The following ZNF677 variants were observed in gnomAD, a reference collection of about 807,000 sequenced individuals.
ZNF677 encodes the protein zinc finger protein 677.
Under a neutral mutation model 8.1 loss-of-function variants are expected in ZNF677, and 5 were observed. The ratio of observed to expected loss-of-function variants is 0.62; its 90% CI spans 0.32 to 1.29. ZNF677 has a LOEUF of 1.29. Among genes scored for constraint, ZNF677 ranks in the 50% most tolerant of loss-of-function variants. The probability of loss-of-function intolerance (pLI) is 0.05; values close to 1 mark genes in which losing one functional copy is unlikely to be tolerated. For missense variants in ZNF677, 685 were observed against 685.9 expected, an observed-to-expected ratio of 1.00 and a Z score of 0.01; for synonymous variants, 221 against 225.6, an observed-to-expected ratio of 0.98 and a Z score of 0.18.
At chr19:53,241,511 C>T (rs567305801) in intron 4 of ZNF677, 4 of 262,144 alleles carry the variant, frequency 1.5e-5, no homozygotes, top group South Asian at 1.7e-4. Context: ...TCAACATGTT[C>T]GCAGATATGA....
intron 3 of ZNF677, chr19:53,249,236 G>A (rs1413155934): frequency 6.6e-6 from 1 of 152,148 alleles, no homozygotes; most frequent in Non-Finnish European, 1.5e-5. Flanking sequence ...GGTTAAGATA[G>A]TTGATTTAAA....
At position 53,237,797 on chromosome 19, in the gene ZNF677, C is replaced by G. The variant is rs749683583; in HGVS notation, c.930G>C (p.Gln310His). Residue 310 changes from glutamine (Q) to histidine (H), a missense_variant, in exon 5 of 5, where the codon CAG becomes CAC. Transcript: ENST00000598513. Reference protein sequence around the residue: ...FNQCSNLTRHQRVHTGEKPYQ... With the variant: ...FNQCSNLTRHHRVHTGEKPYQ... The stretch of plus-strand genomic sequence containing the variant: ...ATGGTTTCTCTCCTGTATGGACTCT[C>G]TGATGCCTAGTGAGGTTCGAACACT... 1 of 1,613,448 alleles carries G rather than the reference C, an allele frequency of 6.2e-7. No homozygotes were observed. Among genetic ancestry groups the G allele is most frequent in the South Asian group, 1.1e-5 (1 of 90,974 alleles).
At chr19:53,250,301 T>C (rs894169522) in intron 3 of ZNF677, among the ~76,000 whole-genome samples, 16 of 152,184 alleles carry the variant, frequency 1.1e-4, no homozygotes, top group African/African-American at 2.9e-4. Context: ...GTGTGGTGAT[T>C]CCTCAAAGAT....
chr19:53,238,336 T>C lies in ZNF677; in HGVS notation c.391A>G (p.Arg131Gly), dbSNP rs371988764. 121 of 1,613,034 alleles carry C rather than the reference T, an allele frequency of 7.5e-5. No homozygotes were observed. Among genetic ancestry groups the C allele is most frequent in the Non-Finnish European group, 9.9e-5 (117 of 1,179,584 alleles). Residue 131 changes from arginine (R) to glycine (G), a missense_variant, in exon 5 of 5, where the codon AGA (arginine) becomes GGA (glycine). Transcript: ENST00000598513. ...PLTCNKNLTH[R>G]KDQQHNKSSI... ...GATTTATTATGTTGTTGATCTTTTC[T>C]GTGAGTGAGATTTTTGTTACAGGTC...
Position 53,243,865 on chromosome 19 carries a change from T to C in ZNF677, c.48A>G (p.Glu16=), listed in dbSNP as rs781697340. The C allele has an allele frequency of 6.2e-7, 1 of 1,609,728 alleles. No individual in the cohort carries two copies. Among genetic ancestry groups the C allele is most frequent in the South Asian group, 1.1e-5 (1 of 90,400 alleles). Reference sequence around the variant, plus strand: ...GGCACTCCCACTCCTCTTGAGAGAATTCTATGGCCACATCCTTGAATGTAA... The same window carrying C: ...GGCACTCCCACTCCTCTTGAGAGAACTCTATGGCCACATCCTTGAATGTAA... ...GLFTFKDVAI[E]FSQEEWECLD... The change falls in exon 4 of 5, where the codon GAA becomes GAG. Residue 16 remains glutamate, a synonymous_variant. Transcript: ENST00000598513.
At chr19:53,250,262 G>GTA (rs977646431) in intron 3 of ZNF677, among the ~76,000 whole-genome samples, 4 of 152,210 alleles carry the variant, frequency 2.6e-5, no homozygotes, top group Non-Finnish European at 4.4e-5. Flanking sequence ...TGGTGGAAGT[G>GTA]TAAATTAGTT....
rs527475678 is a variant in ZNF677 at position 53,244,444 on chromosome 19, C to CTTA, written c.16-548_16-547insTAA. ...TTCACAAAGTTATACACCACCACCT[C>CTTA]TGTCTAGTTCAAAAACATTTTTATC... On this transcript the variant is annotated intron_variant, in intron 3 of 4. Transcript: ENST00000598513. Among the ~76,000 whole-genome samples the CTTA allele has an allele frequency of 2.9e-3, 437 of 152,306 alleles. 5 individuals carry two copies. Among genetic ancestry groups the CTTA allele is most frequent in the African/African-American group, 0.01 (423 of 41,574 alleles).
chr19:53,245,469 G>C (rs1178544583), intron 3 of ZNF677, among the ~76,000 whole-genome samples: 2 of 152,148 alleles, frequency 1.3e-5, no homozygotes, highest in African/African-American at 4.8e-5. Context: ...GGGCAAAAGA[G>C]CTGAACAGAC....
chr19:53,244,048 T>C, intron 3 of ZNF677, 151 bp from the exon 4 acceptor site: 1 of 713,520 alleles, frequency 1.4e-6, no homozygotes, highest in Non-Finnish European at 2.3e-6. Context: ...TAAACTGAGA[T>C]GAAATTACAT....
intron 4 of ZNF677, chr19:53,240,119 G>A (rs2091025773): frequency 6.6e-6 from 1 of 152,186 alleles, no homozygotes; most frequent in Admixed American, 6.5e-5. Context: ...TCATGTTGCT[G>A]TCCTGAGTAA....
chr19:53,250,822 A>C (rs188744860), intron 3 of ZNF677, among the ~76,000 whole-genome samples: 1 of 152,338 alleles, frequency 6.6e-6, no homozygotes, highest in Non-Finnish European at 1.5e-5. Context: ...ATTAAGAAAA[A>C]TAATAAATTA....
In ZNF677 at chr19:53,235,418, A is replaced by C. The variant is rs947358320; in HGVS notation, c.*1554T>G. On this transcript the variant is annotated 3_prime_UTR_variant, in exon 5 of 5. Transcript: ENST00000598513. ...AAAAATGATTATATTTTACTAATTA[A>C]GACATAAGAAGTATAATATATTCTA... 1 of 152,218 alleles carries C rather than the reference A, an allele frequency of 6.6e-6. No individual in the cohort carries two copies. The highest frequency in any genetic ancestry group is 2.4e-5 in the African/African-American group (1 of 41,456). The allele number at this position is 152,218 out of a possible 1,614,324, so 9.4% of individuals were successfully genotyped here. A position where few individuals can be genotyped will look rare whatever the true frequency, so the allele number is the denominator to read the frequency against.
intron 3 of ZNF677, among the ~76,000 whole-genome samples, chr19:53,244,588 A>C (rs2091107383): frequency 6.6e-6 from 1 of 152,254 alleles, no homozygotes; most frequent in Non-Finnish European, 1.5e-5. Flanking sequence ...ATACTAATGA[A>C]GGAAATTAAA....
Position 53,238,391 on chromosome 19 carries a change from A to T in ZNF677, c.336T>A (p.Tyr112Ter). The T allele has an allele frequency of 6.2e-7, 1 of 1,613,794 alleles. No homozygotes were observed. Among genetic ancestry groups the T allele is most frequent in the Non-Finnish European group, 8.5e-7 (1 of 1,179,896 alleles). Residue 112 changes from tyrosine to a stop codon, truncating the protein, a stop_gained, in exon 5 of 5, where the codon TAT becomes TAA. Transcript: ENST00000598513. LOFTEE classifies it low-confidence loss of function (END_TRUNC). ...NMPKFDSLWD[Y>*]DVKNYKGMPL... is the part of the protein sequence containing the mutation. ...GCATTCCTTTGTAATTTTTTACATC[A>T]TAGTCCCACAGGCTGTCAAACTTAG...
chr19:53,247,881 T>G (rs766465856), intron 3 of ZNF677, among the ~76,000 whole-genome samples: 1 of 152,230 alleles, frequency 6.6e-6, no homozygotes, highest in African/African-American at 2.4e-5. Context: ...GGAAGTCTTT[T>G]ATAAACATTA....
chr19:53,249,057 T>A (rs931773959), intron 3 of ZNF677: 7 of 152,224 alleles, frequency 4.6e-5, no homozygotes, highest in Non-Finnish European at 8.8e-5. Flanking sequence ...TCTGTCACTC[T>A]ACTCTTGAAA....
In ZNF677 at chr19:53,243,868, T is replaced by C. The variant is rs1216631273; in HGVS notation, c.45A>G (p.Ile15Met). The C allele has an allele frequency of 2.5e-6, 4 of 1,609,282 alleles. No homozygotes were observed. Among genetic ancestry groups the C allele is most frequent in the Non-Finnish European group, 3.4e-6 (4 of 1,178,426 alleles). ...QGLFTFKDVA[I>M]EFSQEEWECL... ...ACTCCCACTCCTCTTGAGAGAATTC[T>C]ATGGCCACATCCTTGAATGTAAACA... The change falls in exon 4 of 5, where the codon ATA becomes ATG. Residue 15 changes from isoleucine (I) to methionine (M), a missense_variant. Physicochemically the swap from Ile to Met is conservative, Grantham distance 10 (BLOSUM62 1). Coordinates refer to ENST00000598513, the MANE Select transcript of ZNF677 (RefSeq NM_182609.4).
intron 3 of ZNF677, among the ~76,000 whole-genome samples, chr19:53,248,946 T>C (rs2091190494): frequency 6.6e-6 from 1 of 152,214 alleles, no homozygotes; most frequent in South Asian, 2.1e-4. Context: ...ATATGCTTCA[T>C]GGTGTCCCAA....
At chr19:53,243,106 A>G (rs1313138203) in intron 4 of ZNF677, 1 of 152,706 alleles carries the variant, frequency 6.5e-6, no homozygotes, top group Non-Finnish European at 1.5e-5. Flanking sequence ...TCAATGGAGT[A>G]GCTTACTCTG....
Sources: gnomAD v4.1 joint callset for allele counts (sites outside exome capture counted in the v4.1 genomes callset) on GRCh38, gnomAD v4.1.1 for gene constraint, MANE v1.5 for transcripts, NCBI Gene and HGNC (gene_info 2026-07-23, HGNC 2026-07-21) for gene names.